Variants in SLC4A3 observed in about 807,000 individuals in gnomAD.
SLC4A3 encodes anion exchange protein 3.
In SLC4A3, 47 loss-of-function variants were observed where a neutral mutation model predicts 114.2. The ratio of observed to expected loss-of-function variants is 0.41; its 90% CI spans 0.33 to 0.52. SLC4A3 has a LOEUF of 0.52. Ranked by LOEUF, SLC4A3 falls within the 20% of genes least tolerant of loss-of-function variation. The pLI is 0.21. For synonymous variants in SLC4A3, 693 were observed against 710.3 expected, an observed-to-expected ratio of 0.98 and a Z score of 0.39; for missense variants, 1,312 against 1,668.3, an observed-to-expected ratio of 0.79 and a Z score of 3.72.
Position 219,631,048 on chromosome 2 carries a change from C to T in SLC4A3, c.811+696C>T, listed in dbSNP as rs1445104568. ...CAGCAGGATGGGGGGTGGGGGAGGG[C>T]GTGTTTACAGACCCAGGGTGGGGGC... On this transcript the variant is annotated intron_variant, in intron 6 of 22. Transcript: ENST00000358055. This position sits in a 1 kb window ranked among gnomAD's most constrained non-coding sequence, Gnocchi z 6.3. The T allele has an allele frequency of 3.9e-5, 33 of 840,264 alleles. No individual in the cohort carries two copies. Among genetic ancestry groups the T allele is most frequent in the East Asian group, 2.9e-4 (3 of 10,422 alleles). 52.1% of individuals were successfully genotyped at this position (840,264 alleles called of 1,614,324 possible). A position where few individuals can be genotyped will look rare whatever the true frequency, so the allele number is the denominator to read the frequency against.
In SLC4A3 at chr2:219,637,406, GTGTGTGTTC is replaced by G. The variant is rs772646460; in HGVS notation, c.2536-157_2536-149del. Among the ~76,000 whole-genome samples, 111 of 152,008 alleles carry G rather than the reference GTGTGTGTTC, an allele frequency of 7.3e-4. No homozygotes were observed. The highest frequency in any genetic ancestry group is 1.4e-3 in the Non-Finnish European group (97 of 67,946). ...TTGTTACGTGTTGTGTGTGTTGTAT[GTGTGTGTTC>G]TGTGTGTTCTGTGTGTTGTGTGTGT... is the stretch of plus-strand genomic sequence containing the variant. On this transcript the variant is annotated intron_variant, in intron 16 of 22. Coordinates refer to ENST00000358055, the MANE Select transcript of SLC4A3 (RefSeq NM_005070.4). This position sits in a 1 kb window ranked among gnomAD's most constrained non-coding sequence, Gnocchi z 4.6.
In SLC4A3 at chr2:219,637,163, TG is replaced by T. The variant is rs540993128; in HGVS notation, c.2535+292del. Among the ~76,000 whole-genome samples, 662 of 151,848 alleles carry T rather than the reference TG, an allele frequency of 4.4e-3. 6 individuals carry two copies. The highest frequency in any genetic ancestry group is 0.015 in the African/African-American group (635 of 41,384). On this transcript the variant is annotated intron_variant, in intron 16 of 22. Transcript: ENST00000358055. This position sits in a 1 kb window ranked among gnomAD's most constrained non-coding sequence, Gnocchi z 4.6. ...GAGGGAGCTGTCAGTGCTAAGGGGC[TG>T]GGTGTCCTTGGGTCACCTTTTGTAG...
In SLC4A3 at chr2:219,636,950, G is replaced by A; in HGVS notation, c.2535+76G>A. The A allele has an allele frequency of 7.9e-7, 1 of 1,260,350 alleles. No individual in the cohort carries two copies. The highest frequency in any genetic ancestry group is 2.3e-5 in the East Asian group (1 of 43,124). 78.1% of individuals were successfully genotyped at this position (1,260,350 alleles called of 1,614,324 possible). ...CCCTGGGGAGGACAGCATGGGAGGGGGAGGTATGGAGAACTAGGGGACAAG... is the reference window on the plus strand; with the variant it reads ...CCCTGGGGAGGACAGCATGGGAGGGAGAGGTATGGAGAACTAGGGGACAAG... On this transcript the variant is annotated intron_variant, in intron 16 of 22. Transcript: ENST00000358055. The surrounding 1 kb of genome is among the most constrained non-coding windows in gnomAD (Gnocchi z 5.5).
In SLC4A3 at chr2:219,629,597, C is replaced by T. The variant is rs757698492; in HGVS notation, c.513C>T (p.Asp171=). The change falls in exon 5 of 23, where the codon GAC becomes GAT. Residue 171 remains aspartate (D), a synonymous_variant. Transcript: ENST00000358055. ...GTCTGCAGTTCTCCATTGGAAGTGA[C>T]GAGGATGACAGTCCAGGCCTCCCTG... ...PQKAKFSIGS[D]EDDSPGLPGR... 1.2e-5 allele frequency: 19 copies of T among 1,612,566 alleles called. No homozygotes were observed. The highest frequency in any genetic ancestry group is 6.6e-5 in the South Asian group (6 of 91,076).
At position 219,638,586 on chromosome 2, in the gene SLC4A3, C is replaced by A. The variant is rs1699210623; in HGVS notation, c.2857-117C>A. The A allele has an allele frequency of 1.6e-5, 16 of 1,021,998 alleles. No individual in the cohort carries two copies. The highest frequency in any genetic ancestry group is 2.3e-5 in the Non-Finnish European group (16 of 696,258). 63.3% of individuals were successfully genotyped at this position (1,021,998 alleles called of 1,614,324 possible). A position where few individuals can be genotyped will look rare whatever the true frequency, so the allele number is the denominator to read the frequency against. On this transcript the variant is annotated intron_variant, in intron 18 of 22. Coordinates refer to ENST00000358055, the MANE Select transcript of SLC4A3 (RefSeq NM_005070.4). The surrounding 1 kb of genome is among the most constrained non-coding windows in gnomAD (Gnocchi z 7.5). ...GATGCAAAACTAATTTTCCCCTGAC[C>A]TGTTCACACCCCAGCTCCCTGAAGT... is the stretch of plus-strand genomic sequence containing the variant.
In SLC4A3 at chr2:219,632,349, G is replaced by A. The variant is rs1346314138; in HGVS notation, c.1048G>A (p.Asp350Asn). ...GGCCCGCTGGATCAAGTTTGAGGAGGACGTGGAGGAGGAGACGGAGCGCTG... is the reference window on the plus strand; with the variant it reads ...GGCCCGCTGGATCAAGTTTGAGGAGAACGTGGAGGAGGAGACGGAGCGCTG... ...ETARWIKFEE[D>N]VEEETERWGK... Residue 350 changes from aspartate (D) to asparagine (N), a missense_variant, in exon 8 of 23, where the codon GAC (aspartate) becomes AAC (asparagine). Around this residue, in one of 4 missense-constraint regions of SLC4A3, gnomAD observed 771 missense variants for 977.7 expected, o/e 0.79. Coordinates refer to ENST00000358055, the MANE Select transcript of SLC4A3 (RefSeq NM_005070.4). The A allele has an allele frequency of 6.2e-7, 1 of 1,614,132 alleles. No homozygotes were observed. The highest frequency in any genetic ancestry group is 8.5e-7 in the Non-Finnish European group (1 of 1,180,004).
chr2:219,638,352 G>T lies in SLC4A3; in HGVS notation c.2856+99G>T. 1 of 1,010,570 alleles carries T rather than the reference G, an allele frequency of 9.9e-7. No individual in the cohort carries two copies. Among genetic ancestry groups the T allele is most frequent in the South Asian group, 1.4e-5 (1 of 71,726 alleles). 62.6% of individuals were successfully genotyped at this position (1,010,570 alleles called of 1,614,324 possible). A position where few individuals can be genotyped will look rare whatever the true frequency, so the allele number is the denominator to read the frequency against. On this transcript the variant is annotated intron_variant, in intron 18 of 22. Coordinates refer to ENST00000358055, the MANE Select transcript of SLC4A3 (RefSeq NM_005070.4). The surrounding 1 kb of genome is among the most constrained non-coding windows in gnomAD (Gnocchi z 7.5). ...GGGCCCTGGGATTGGGATCAGGCCT[G>T]AACTCAACTTTCCCAGTGGAGTGGC...
chr2:219,632,207 C>T (rs539666489), intron 7 of SLC4A3, 55 bp from the exon 8 acceptor site: 166 of 1,610,764 alleles, frequency 1.0e-4, no homozygotes, highest in Middle Eastern at 1.7e-4. Context: ...TGCCCCATCA[C>T]GGTGTTCCCC....
rs1216540025 is a variant in SLC4A3 at position 219,630,299 on chromosome 2, C to A, written c.758C>A (p.Thr253Lys). ...NPGGPEQQVP[T>K]DEAEAQMLGS... The stretch of plus-strand genomic sequence containing the variant: ...GGTGGTCCAGAGCAGCAGGTGCCCA[C>A]AGATGAGGCGGAGGCCCAGATGCTG... The change falls in exon 6 of 23, where the codon ACA becomes AAA. Residue 253 changes from threonine (T) to lysine (K), a missense_variant. Transcript: ENST00000358055. This position sits in a 1 kb window ranked among gnomAD's most constrained non-coding sequence, Gnocchi z 6.9. 2 of 1,612,828 alleles carry A rather than the reference C, an allele frequency of 1.2e-6. No homozygotes were observed. The highest frequency in any genetic ancestry group is 1.7e-6 in the Non-Finnish European group (2 of 1,179,720).
rs946144687 is a variant in SLC4A3 at position 219,631,562 on chromosome 2, C to T, written c.812-406C>T. On this transcript the variant is annotated intron_variant, in intron 6 of 22. Transcript: ENST00000358055. This position sits in a 1 kb window ranked among gnomAD's most constrained non-coding sequence, Gnocchi z 6.3. Reference sequence around the variant, plus strand: ...CTGAGTCTACTGGGCTGTGTACCTTCGGGGAGGGGACGTGGGTGTTGAGAT... The same window carrying T: ...CTGAGTCTACTGGGCTGTGTACCTTTGGGGAGGGGACGTGGGTGTTGAGAT... 3.7e-5 allele frequency: 39 copies of T among 1,066,252 alleles called. No homozygotes were observed. Among genetic ancestry groups the T allele is most frequent in the Admixed American group, 2.2e-4 (7 of 32,220 alleles). 66.0% of individuals were successfully genotyped at this position (1,066,252 alleles called of 1,614,324 possible). A position where few individuals can be genotyped will look rare whatever the true frequency, so the allele number is the denominator to read the frequency against.
At position 219,638,262 on chromosome 2, in the gene SLC4A3, G is replaced by A; in HGVS notation, c.2856+9G>A. The A allele has an allele frequency of 6.2e-7, 1 of 1,601,064 alleles. No homozygotes were observed. The highest frequency in any genetic ancestry group is 2.2e-5 in the East Asian group (1 of 44,568). ...CAGACACCTACACGCAGGTGAGGGA[G>A]CCCCAGCCTGTGGCAGCTGCTGTCA... On this transcript the variant is annotated intron_variant, in intron 18 of 22. Coordinates refer to ENST00000358055, the MANE Select transcript of SLC4A3 (RefSeq NM_005070.4). This position sits in a 1 kb window ranked among gnomAD's most constrained non-coding sequence, Gnocchi z 7.5.
At chr2:219,634,878 G>A (rs917565754) in intron 12 of SLC4A3, among the ~76,000 whole-genome samples, 1 of 152,188 alleles carries the variant, frequency 6.6e-6, no homozygotes, top group African/African-American at 2.4e-5. Context: ...GGATGCGCTG[G>A]TCTTTGCTGT....
At chr2:219,629,053 T>G (rs1263703094) in intron 3 of SLC4A3, 91 bp from the exon 4 acceptor site, 1 of 1,440,754 alleles carries the variant, frequency 6.9e-7, no homozygotes, top group Admixed American at 2.6e-5. Flanking sequence ...TGCCCTTGTT[T>G]GCGGCCTTGA....
In SLC4A3 at chr2:219,629,888, G is replaced by A. The variant is rs34920945; in HGVS notation, c.611+193G>A. Among the ~76,000 whole-genome samples the A allele has an allele frequency of 8.2e-5, 12 of 145,614 alleles. 1 individual carries two copies. Among genetic ancestry groups the A allele is most frequent in the African/African-American group, 1.3e-4 (5 of 39,978 alleles). On this transcript the variant is annotated intron_variant, in intron 5 of 22. Transcript: ENST00000358055. ...TTACAAGGAGGAGAGAACAAGGGGG[G>A]GGGGAGAAAAACAGAGAAGAGCAGA...
rs772031176 is a variant in SLC4A3 at position 219,630,093 on chromosome 2, C to T, written c.612-60C>T. The T allele has an allele frequency of 4.6e-5, 73 of 1,593,776 alleles. No individual in the cohort carries two copies. The Admixed American group carries it at 8.2e-4, about 18-fold the overall frequency. On this transcript the variant is annotated intron_variant, in intron 5 of 22. Transcript: ENST00000358055. The surrounding 1 kb of genome is among the most constrained non-coding windows in gnomAD (Gnocchi z 6.9). ...CCAGGCCGTGCTCTGAGCTGAGGGA[C>T]GGTGATGGAACCACCGACCTGGCCC...
intron 5 of SLC4A3, 75 bp downstream of exon 5, chr2:219,629,770 T>G: frequency 1.1e-6 from 1 of 904,538 alleles, no homozygotes; most frequent in South Asian, 1.6e-5. Flanking sequence ...AGTCACCTCC[T>G]TCCTGACCCT....
At chr2:219,629,498 G>A in intron 4 of SLC4A3, 77 bp downstream of exon 4, 1 of 1,592,204 alleles carries the variant, frequency 6.3e-7, no homozygotes, top group African/African-American at 1.3e-5. Context: ...AGTGCGTGTT[G>A]GGGGCCTGTG....
At position 219,637,896 on chromosome 2, in the gene SLC4A3, G is replaced by A. The variant is rs1028824961; in HGVS notation, c.2766+85G>A. 20 of 1,158,666 alleles carry A rather than the reference G, an allele frequency of 1.7e-5. No homozygotes were observed. Among genetic ancestry groups the A allele is most frequent in the African/African-American group, 7.6e-5 (5 of 65,734 alleles). 71.8% of individuals were successfully genotyped at this position (1,158,666 alleles called of 1,614,324 possible). ...CCCAGAGAGGCTGCACCCCTTCCCC[G>A]GTCAGCCCATGGACCAAAACCCAGC... On this transcript the variant is annotated intron_variant, in intron 17 of 22. Coordinates refer to ENST00000358055, the MANE Select transcript of SLC4A3 (RefSeq NM_005070.4). This position sits in a 1 kb window ranked among gnomAD's most constrained non-coding sequence, Gnocchi z 4.6.
chr2:219,638,669 C>A lies in SLC4A3; in HGVS notation c.2857-34C>A. 1 of 1,605,734 alleles carries A rather than the reference C, an allele frequency of 6.2e-7. No individual in the cohort carries two copies. ...TGGTGGGCTTTCTAGCATGGGGAGGCTGTGTCCCTGAACCCTGTTTTCCTG... is the reference window on the plus strand; with the variant it reads ...TGGTGGGCTTTCTAGCATGGGGAGGATGTGTCCCTGAACCCTGTTTTCCTG... On this transcript the variant is annotated intron_variant, in intron 18 of 22. Transcript: ENST00000358055. This position sits in a 1 kb window ranked among gnomAD's most constrained non-coding sequence, Gnocchi z 7.5.
Sources: gnomAD v4.1 joint callset for allele counts (sites outside exome capture counted in the v4.1 genomes callset) on GRCh38, gnomAD v4.1.1 for gene constraint, gnomAD v4.1.1 regional missense constraint, Gnocchi (gnomAD v3.1) non-coding constraint, MANE v1.5 for transcripts, NCBI Gene and HGNC (gene_info 2026-07-23, HGNC 2026-07-21) for gene names.